The following PAX5 variants were observed in gnomAD, a reference collection of about 807,000 sequenced individuals.
PAX5 encodes the protein paired box 5.
In PAX5, 9 loss-of-function variants were observed where a neutral mutation model predicts 43.7. The observed-to-expected ratio is 0.21, with a 90% CI of 0.12 to 0.36. The LOEUF (loss-of-function observed/expected upper bound fraction) is 0.36, where lower values mean the gene tolerates loss of function less well. PAX5 is among the 10% of genes least tolerant of loss of function. PAX5 has a pLI of 1.00. For synonymous variants in PAX5, 228 were observed against 214.3 expected (o/e 1.06, Z -0.56); for missense variants, 383 against 532.7 (o/e 0.72, Z 2.77).
rs2131558919 is a variant in PAX5 at position 36,838,416 on chromosome 9, C to A, written c.*2144G>T. 1 of 232,626 alleles carries A rather than the reference C, an allele frequency of 4.3e-6. No homozygotes were observed. Among genetic ancestry groups the A allele is most frequent in the Non-Finnish European group, 8.5e-6 (1 of 117,710 alleles). The allele number at this position is 232,626 out of a possible 1,614,324, so 14.4% of individuals were successfully genotyped here. A position where few individuals can be genotyped will look rare whatever the true frequency, so the allele number is the denominator to read the frequency against. ...GTCAGGAGCCCGAGTCCCAGCCCCA[C>A]CCCCACCAGTCACTGCTTGAGGACT... On this transcript the variant is annotated 3_prime_UTR_variant, in exon 10 of 10. Transcript: ENST00000358127.
At chr9:37,018,570 C>CA (rs1222049885) in intron 2 of PAX5, among the ~76,000 whole-genome samples, 1,605 of 71,044 alleles carry the variant, frequency 0.023, 68 homozygotes, top group African/African-American at 0.054. Context: ...CTTCAGTGAC[C>CA]AAAAAAAAAA....
chr9:37,026,610 C>T, intron 1 of PAX5: 3 of 1,350,780 alleles, frequency 2.2e-6, no homozygotes, highest in Non-Finnish European at 2.9e-6. Context: ...GCCCACGCCG[C>T]CGCCTCCCGG....
rs550529186 is a variant in PAX5, at chr9:36,850,389, C to T, written c.1013-3460G>A. On this transcript the variant is annotated intron_variant, in intron 8 of 9. Transcript: ENST00000358127. ...CTGGGAGATGACACAGCAGTGGCAT[C>T]CTTAGGCACAAAATGATGTTCCTCA... Among the ~76,000 whole-genome samples, 4 of 152,272 alleles carry T rather than the reference C, an allele frequency of 2.6e-5. 1 individual carries two copies. The East Asian group carries it at 7.7e-4, about 29-fold the overall frequency.
At chr9:36,844,767 G>T (rs892910569) in intron 9 of PAX5, among the ~76,000 whole-genome samples, 2 of 151,692 alleles carry the variant, frequency 1.3e-5, no homozygotes, top group Non-Finnish European at 2.9e-5. Flanking sequence ...GTCTAGTCCT[G>T]CCCTCCCCTC....
Position 37,020,752 on chromosome 9 carries a change from T to C in PAX5, c.96A>G (p.Pro32=), listed in dbSNP as rs1207808457. 1 of 1,613,610 alleles carries C rather than the reference T, an allele frequency of 6.2e-7. No individual in the cohort carries two copies. The highest frequency in any genetic ancestry group is 8.5e-7 in the Non-Finnish European group (1 of 1,179,974). Residue 32 remains proline (P), a synonymous_variant, in exon 2 of 10, where the codon CCA becomes CCG. Coordinates refer to ENST00000358127, the MANE Select transcript of PAX5 (RefSeq NM_016734.3). ...TCCTCTGGCGGACTACATCCGGGAG[T>C]GGCCGTCCATTCACAAAAACCCCCC... ...QLGGVFVNGR[P]LPDVVRQRIV...
intron 1 of PAX5, among the ~76,000 whole-genome samples, chr9:37,030,780 G>T (rs531167747): frequency 7.5e-4 from 114 of 152,246 alleles, no homozygotes; most frequent in African/African-American, 2.7e-3. Context: ...CTGCATTACC[G>T]TGGCTTCAGG....
intron 5 of PAX5, among the ~76,000 whole-genome samples, 194 bp from the exon 6 acceptor site, chr9:36,966,918 G>A (rs975303305): frequency 2.6e-5 from 4 of 152,154 alleles, no homozygotes; most frequent in East Asian, 1.9e-4. Flanking sequence ...TCAGCCTCCC[G>A]CAGCCATGTG....
intron 6 of PAX5, among the ~76,000 whole-genome samples, chr9:36,941,883 G>A (rs1012963294): frequency 6.6e-6 from 1 of 152,186 alleles, no homozygotes; most frequent in Admixed American, 6.5e-5. Context: ...GGGGTGCATA[G>A]GGCATCTCCC....
Position 37,034,110 on chromosome 9 carries a change from T to TTTTTTTTTTTTTTTTTTTTTTTTC in PAX5, c.-80_-79insGAAAAAAAAAAAAAAAAAAAAAAA. 1.2e-6 allele frequency: 1 copy of TTTTTTTTTTTTTTTTTTTTTTTTC among 824,730 alleles called. No individual in the cohort carries two copies. Among genetic ancestry groups the TTTTTTTTTTTTTTTTTTTTTTTTC allele is most frequent in the South Asian group, 1.7e-5 (1 of 58,904 alleles). The allele number at this position is 824,730 out of a possible 1,614,324, so 51.1% of individuals were successfully genotyped here. A position where few individuals can be genotyped will look rare whatever the true frequency, so the allele number is the denominator to read the frequency against. ...TGCCTTTTTTTTTCTTTTTTTTTTT[T>TTTTTTTTTTTTTTTTTTTTTTTTC]TTTTTTTTTTTTTTTTGGTGCCAGG... On this transcript the variant is annotated 5_prime_UTR_variant, in exon 1 of 10. Coordinates refer to ENST00000358127, the MANE Select transcript of PAX5 (RefSeq NM_016734.3).
chr9:37,015,721 A>C lies in PAX5; in HGVS notation c.213-527T>G, dbSNP rs572377209. Among the ~76,000 whole-genome samples, 726 of 152,194 alleles carry C rather than the reference A, an allele frequency of 4.8e-3. 2 individuals are homozygous for C. Among genetic ancestry groups the C allele is most frequent in the Non-Finnish European group, 8.3e-3 (564 of 68,022 alleles). ...CAGCCTCCCGAGTAGCTGGGATTAC[A>C]GGCATGTGCCACCATGCCCAGCTAA... On this transcript the variant is annotated intron_variant, in intron 2 of 9. Transcript: ENST00000358127. This position sits in a 1 kb window ranked among gnomAD's most constrained non-coding sequence, Gnocchi z 4.4.
In PAX5 at chr9:36,989,677, G is replaced by A. The variant is rs115320056; in HGVS notation, c.604+12971C>T. 7.0e-3 allele frequency among the ~76,000 whole-genome samples: 1,065 copies of A among 152,222 alleles called. 10 individuals are homozygous for A. Among genetic ancestry groups the A allele is most frequent in the African/African-American group, 0.024 (1,006 of 41,514 alleles). On this transcript the variant is annotated intron_variant, in intron 5 of 9. Transcript: ENST00000358127. The stretch of plus-strand genomic sequence containing the variant: ...TAGATCACGAAAGAGCTCCCTCCCC[G>A]TCTAGAATGGCTGTCACAAGATCCT...
At chr9:36,912,539 T>C (rs1829384871) in intron 7 of PAX5, among the ~76,000 whole-genome samples, 1 of 152,172 alleles carries the variant, frequency 6.6e-6, no homozygotes, top group Non-Finnish European at 1.5e-5. Flanking sequence ...TTTCATCATA[T>C]AATGGCAGTA....
In PAX5 at chr9:36,892,509, G is replaced by A. The variant is rs149211055; in HGVS notation, c.911-10404C>T. 1.6e-3 allele frequency among the ~76,000 whole-genome samples: 240 copies of A among 152,308 alleles called. 1 individual carries two copies. Among genetic ancestry groups the A allele is most frequent in the African/African-American group, 5.6e-3 (232 of 41,564 alleles). On this transcript the variant is annotated intron_variant, in intron 7 of 9. Transcript: ENST00000358127. Reference sequence around the variant, plus strand: ...TTTACAATCCCCAGTTTGCAGATAAGGTACTCAGCTCTTAAGAGGTGAGCT... The same window carrying A: ...TTTACAATCCCCAGTTTGCAGATAAAGTACTCAGCTCTTAAGAGGTGAGCT...
chr9:36,994,680 G>C (rs565454112), intron 5 of PAX5, among the ~76,000 whole-genome samples: 1 of 152,184 alleles, frequency 6.6e-6, no homozygotes, highest in African/African-American at 2.4e-5. Flanking sequence ...CTTGAGCGGG[G>C]AGCGCATGAG....
chr9:36,948,792 T>A (rs1832762179), intron 6 of PAX5, among the ~76,000 whole-genome samples: 1 of 151,770 alleles, frequency 6.6e-6, no homozygotes, highest in Non-Finnish European at 1.5e-5. Context: ...AGCCACTTTG[T>A]CTCCCTGCGC....
intron 1 of PAX5, among the ~76,000 whole-genome samples, chr9:37,027,213 C>T (rs1162405812): frequency 6.6e-6 from 1 of 152,236 alleles, no homozygotes; most frequent in African/African-American, 2.4e-5. Context: ...GCGCGGGGTC[C>T]TGGCGGGTTT....
At chr9:37,005,067 C>G (rs184861222) in intron 4 of PAX5, among the ~76,000 whole-genome samples, 1 of 152,322 alleles carries the variant, frequency 6.6e-6, no homozygotes, top group African/African-American at 2.4e-5. Flanking sequence ...AGCAGTTATA[C>G]CCATTTGATT....
intron 5 of PAX5, among the ~76,000 whole-genome samples, chr9:36,986,960 G>T (rs1836488303): frequency 6.6e-6 from 1 of 152,224 alleles, no homozygotes; most frequent in African/African-American, 2.4e-5. Flanking sequence ...GGTGTCCAGA[G>T]GGAGGAAGGC....
intron 5 of PAX5, among the ~76,000 whole-genome samples, chr9:37,001,455 A>G (rs1038640608): frequency 7.2e-5 from 11 of 152,240 alleles, no homozygotes; most frequent in African/African-American, 1.4e-4. Context: ...TCCTGCAGCA[A>G]CACAGCACCG....
Sources: allele counts gnomAD v4.1 joint callset (sites outside exome capture counted in the v4.1 genomes callset), GRCh38; gene constraint gnomAD v4.1.1; non-coding constraint Gnocchi (gnomAD v3.1); transcripts MANE v1.5; gene names NCBI Gene and HGNC (gene_info 2026-07-23, HGNC 2026-07-21).